Variants in CPM observed in about 807,000 individuals in gnomAD.
The protein encoded by CPM is renal carboxypeptidase.
CPM carries 35 observed loss-of-function variants against 46.4 expected under a neutral mutation model. The observed-to-expected ratio is 0.75, with a 90% CI of 0.58 to 1.00. The LOEUF (loss-of-function observed/expected upper bound fraction) is 1.00, where lower values mean the gene tolerates loss of function less well. Ranked by LOEUF, CPM falls within the 50% of genes least tolerant of loss-of-function variation. The pLI, the probability that CPM is intolerant of heterozygous loss-of-function variation, is 0.00. For synonymous variants in CPM, 195 were observed against 195.3 expected, an observed-to-expected ratio of 1.00 and a Z score of 0.01; for missense variants, 422 against 530.4, an observed-to-expected ratio of 0.80 and a Z score of 2.01.
At chr12:68,913,443 C>T (rs752648815) in intron 2 of CPM, among the ~76,000 whole-genome samples, 1 of 152,128 alleles carries the variant, frequency 6.6e-6, no homozygotes, top group Non-Finnish European at 1.5e-5. Context: ...TAACCCAACA[C>T]CCACGTGATC....
chr12:68,891,515 T>C (rs1405145203), intron 2 of CPM, among the ~76,000 whole-genome samples: 1 of 152,234 alleles, frequency 6.6e-6, no homozygotes, highest in African/African-American at 2.4e-5. Flanking sequence ...TTAACCCTAA[T>C]AGCCACAAGT....
At chr12:68,884,160 C>T (rs1038858229) in intron 3 of CPM, among the ~76,000 whole-genome samples, 2 of 148,040 alleles carry the variant, frequency 1.4e-5, no homozygotes, top group African/African-American at 2.5e-5. Flanking sequence ...GATCAAGGGA[C>T]CTCGATCAAT....
intron 2 of CPM, among the ~76,000 whole-genome samples, chr12:68,911,538 T>G (rs769607554): frequency 1.3e-4 from 19 of 151,734 alleles, no homozygotes; most frequent in Admixed American, 3.9e-4. Flanking sequence ...GCAGGAACAT[T>G]GCCTAGCCCT....
At chr12:68,953,670 G>A (rs1019542192) in intron 1 of CPM, among the ~76,000 whole-genome samples, 2 of 152,236 alleles carry the variant, frequency 1.3e-5, no homozygotes, top group Non-Finnish European at 2.9e-5. Flanking sequence ...CAGCCTGGAG[G>A]CAGAGAGAGT....
intron 2 of CPM, among the ~76,000 whole-genome samples, chr12:68,910,125 C>T (rs1463478298): frequency 5.9e-5 from 9 of 152,046 alleles, no homozygotes; most frequent in Admixed American, 5.2e-4. Flanking sequence ...AATTATGGAG[C>T]TAATGTGCTT....
intron 2 of CPM, among the ~76,000 whole-genome samples, chr12:68,912,700 T>C (rs1289075822): frequency 6.6e-6 from 1 of 152,164 alleles, no homozygotes; most frequent in African/African-American, 2.4e-5. Context: ...CTTACTCTAT[T>C]TCCCTAGAGT....
chr12:68,854,102 C>T lies in CPM; in HGVS notation c.*2335G>A, dbSNP rs921234493. 4.6e-5 allele frequency: 7 copies of T among 152,058 alleles called. No individual in the cohort carries two copies. Among genetic ancestry groups the T allele is most frequent in the African/African-American group, 1.7e-4 (7 of 41,402 alleles). The allele number at this position is 152,058 out of a possible 1,614,324, so 9.4% of individuals were successfully genotyped here. A position where few individuals can be genotyped will look rare whatever the true frequency, so the allele number is the denominator to read the frequency against. The stretch of plus-strand genomic sequence containing the variant: ...TTTACTACCAATCTTAGGATCAATT[C>T]AAGGTTCAGTAAAAGGAATGTATCT... On this transcript the variant is annotated 3_prime_UTR_variant, in exon 9 of 9. Transcript: ENST00000551568.
At position 68,916,720 on chromosome 12, in the gene CPM, C is replaced by T. The variant is rs112468195; in HGVS notation, c.160+15958G>A. On this transcript the variant is annotated intron_variant, in intron 2 of 8. Coordinates refer to ENST00000551568, the MANE Select transcript of CPM (RefSeq NM_198320.5). ...CCTGGACAACATGGTGAAACCCCAT[C>T]TCTACTATAAATACAAAAATTAGCT... Among the ~76,000 whole-genome samples the T allele has an allele frequency of 3.3e-3, 505 of 152,066 alleles. 4 individuals carry two copies. Among genetic ancestry groups the T allele is most frequent in the African/African-American group, 0.011 (463 of 41,488 alleles).
chr12:68,931,045 T>C (rs1888478350), intron 2 of CPM, among the ~76,000 whole-genome samples: 1 of 152,206 alleles, frequency 6.6e-6, no homozygotes, highest in Non-Finnish European at 1.5e-5. Flanking sequence ...GTATGCTGAT[T>C]CAAGATATGA....
intron 1 of CPM, among the ~76,000 whole-genome samples, chr12:68,940,310 T>A (rs774012242): frequency 4.6e-5 from 7 of 151,956 alleles, no homozygotes; most frequent in Admixed American, 6.6e-5. Context: ...CACATTATTA[T>A]TAACTAAATC....
rs761830762 is a variant in CPM at position 68,871,831 on chromosome 12, A to G, written c.384T>C (p.Asp128=). The G allele has an allele frequency of 1.9e-6, 3 of 1,614,124 alleles. No individual in the cohort carries two copies. The highest frequency in any genetic ancestry group is 2.2e-5 in the East Asian group (1 of 44,870). Residue 128 remains aspartate (D), a synonymous_variant, in exon 4 of 9, where the codon GAT becomes GAC. Coordinates refer to ENST00000551568, the MANE Select transcript of CPM (RefSeq NM_198320.5). ...RIHIMPSMNP[D]GFEAVKKPDC... ...CAGGCTTTTTGACGGCTTCAAATCC[A>G]TCTGGGTTCATGGAAGGCATGATGT...
intron 2 of CPM, among the ~76,000 whole-genome samples, chr12:68,901,993 T>A (rs1021893372): frequency 6.6e-6 from 1 of 152,192 alleles, no homozygotes; most frequent in African/African-American, 2.4e-5. Flanking sequence ...CTACTTTACT[T>A]AATATGCATC....
In CPM at chr12:68,942,493, T is replaced by C. The variant is rs1381292719; in HGVS notation, c.-3-9653A>G. Reference sequence around the variant, plus strand: ...ACACTATTGTCCCTTGTTGGCACTATGTCACTGTGAGAGTAAACCTATTTC... The same window carrying C: ...ACACTATTGTCCCTTGTTGGCACTACGTCACTGTGAGAGTAAACCTATTTC... On this transcript the variant is annotated intron_variant, in intron 1 of 8. Coordinates refer to the CPM transcript ENST00000546373. Among the ~76,000 whole-genome samples, 3 of 152,250 alleles carry C rather than the reference T, an allele frequency of 2.0e-5. No individual in the cohort carries two copies. In the East Asian group the frequency reaches 5.8e-4, roughly 29 times the overall value.
intron 2 of CPM, among the ~76,000 whole-genome samples, chr12:68,923,761 A>C (rs1178543763): frequency 6.6e-6 from 1 of 152,246 alleles, no homozygotes; most frequent in African/African-American, 2.4e-5. Context: ...CACCGTGAAC[A>C]TATAGATTAC....
intron 2 of CPM, among the ~76,000 whole-genome samples, chr12:68,909,718 A>G (rs1472003774): frequency 6.6e-6 from 1 of 151,982 alleles, no homozygotes; most frequent in Non-Finnish European, 1.5e-5. Flanking sequence ...CATCATTCTC[A>G]GCAAACTATC....
intron 8 of CPM, among the ~76,000 whole-genome samples, chr12:68,857,015 C>T (rs1391597426): frequency 6.6e-6 from 1 of 152,166 alleles, no homozygotes; most frequent in Non-Finnish European, 1.5e-5. Flanking sequence ...ATAACTCTTT[C>T]CCTTTGTCCC....
At chr12:68,891,093 A>G (rs537687717) in intron 2 of CPM, among the ~76,000 whole-genome samples, 8 of 152,370 alleles carry the variant, frequency 5.3e-5, no homozygotes, top group African/African-American at 1.7e-4. Context: ...CGTAAGTGGG[A>G]ATAACAGCCC....
chr12:68,843,240 A>G (rs1443345961), intron 5 of CPM: 1 of 225,838 alleles, frequency 4.4e-6, no homozygotes, highest in East Asian at 6.4e-5. Context: ...ATGAACTCCA[A>G]ATAATGCTTT....
chr12:68,927,824 G>A (rs1450686111), intron 2 of CPM, among the ~76,000 whole-genome samples: 1 of 152,102 alleles, frequency 6.6e-6, no homozygotes, highest in East Asian at 1.9e-4. Context: ...GACATGAAGG[G>A]CCTCTTCAAG....
Sources: allele counts gnomAD v4.1 joint callset (sites outside exome capture counted in the v4.1 genomes callset), GRCh38; gene constraint gnomAD v4.1.1; transcripts MANE v1.5; gene names NCBI Gene and HGNC (gene_info 2026-07-23, HGNC 2026-07-21).